Variants in RALGAPA2 observed in about 807,000 individuals in gnomAD.
The protein encoded by RALGAPA2 is Ral GTPase activating protein catalytic subunit alpha 2, also known as ral GTPase-activating protein subunit alpha-2.
RALGAPA2 carries 139 observed loss-of-function variants against 230.4 expected under a neutral mutation model. The ratio of observed to expected loss-of-function variants is 0.60; its 90% CI spans 0.53 to 0.69. The LOEUF is 0.69. Among genes scored for constraint, RALGAPA2 ranks in the 30% least tolerant of loss-of-function variants. RALGAPA2 has a pLI of 0.00. For synonymous variants in RALGAPA2, 847 were observed against 837.8 expected, an observed-to-expected ratio of 1.01 and a Z score of -0.19; for missense variants, 2,163 against 2,276.0, an observed-to-expected ratio of 0.95 and a Z score of 1.01.
intron 33 of RALGAPA2, among the ~76,000 whole-genome samples, chr20:20,510,174 C>T (rs1471384252): frequency 6.6e-6 from 1 of 152,102 alleles, no homozygotes; most frequent in Non-Finnish European, 1.5e-5. Context: ...TAAGTGCAAG[C>T]AGGAGAAGCT....
At chr20:20,625,790 T>C (rs547423822) in intron 10 of RALGAPA2, among the ~76,000 whole-genome samples, 1 of 152,254 alleles carries the variant, frequency 6.6e-6, no homozygotes, top group Non-Finnish European at 1.5e-5. Context: ...GAGTTTACAG[T>C]GAAGTGACCC....
At chr20:20,572,817 A>G (rs2064689115) in intron 21 of RALGAPA2, 58 bp downstream of exon 21, 2 of 1,334,488 alleles carry the variant, frequency 1.5e-6, no homozygotes, top group South Asian at 1.7e-5. Context: ...CAGTTTTTAC[A>G]TTAAATGATA....
At chr20:20,562,358 C>T (rs1159430848) in intron 23 of RALGAPA2, among the ~76,000 whole-genome samples, 1 of 152,148 alleles carries the variant, frequency 6.6e-6, no homozygotes, top group Admixed American at 6.5e-5. Context: ...AGCAAAAGAA[C>T]ATGTTCTCAA....
chr20:20,594,922 G>A lies in RALGAPA2; in HGVS notation c.2204-3608C>T, dbSNP rs527836285. Among the ~76,000 whole-genome samples, 16 of 151,890 alleles carry A rather than the reference G, an allele frequency of 1.1e-4. No homozygotes were observed. In the East Asian group the frequency reaches 1.9e-3, roughly 18 times the overall value. On this transcript the variant is annotated intron_variant, in intron 16 of 39. Coordinates refer to ENST00000202677, the MANE Select transcript of RALGAPA2 (RefSeq NM_020343.4). Reference sequence around the variant, plus strand: ...TTTTTAGTAAAGATGGGGTTTCACCGTGTTAGCCAGGGTGGTCTCGATCTC... The same window carrying A: ...TTTTTAGTAAAGATGGGGTTTCACCATGTTAGCCAGGGTGGTCTCGATCTC...
chr20:20,474,547 T>G (rs1484064944), intron 36 of RALGAPA2, among the ~76,000 whole-genome samples: 1 of 152,148 alleles, frequency 6.6e-6, no homozygotes, highest in Non-Finnish European at 1.5e-5. Context: ...GGTAATGGCT[T>G]GGATCAGAAT....
At chr20:20,650,655 T>A (rs1568704925) in intron 4 of RALGAPA2, among the ~76,000 whole-genome samples, 1 of 152,196 alleles carries the variant, frequency 6.6e-6, no homozygotes, top group Non-Finnish European at 1.5e-5. Context: ...AGAAGGCCCC[T>A]CCTTGCCCAA....
At chr20:20,570,530 T>G (rs1458555825) in intron 23 of RALGAPA2, among the ~76,000 whole-genome samples, 1 of 152,192 alleles carries the variant, frequency 6.6e-6, no homozygotes, top group Non-Finnish European at 1.5e-5. Flanking sequence ...TCCCTATACC[T>G]CTATATTGGT....
At chr20:20,710,994 G>GA (rs1455791145) in intron 1 of RALGAPA2, among the ~76,000 whole-genome samples, 2 of 152,170 alleles carry the variant, frequency 1.3e-5, no homozygotes, top group Non-Finnish European at 2.9e-5. Flanking sequence ...GTATCTACAG[G>GA]AAGTAGAAAA....
At chr20:20,512,474 T>A (rs1484481962) in intron 32 of RALGAPA2, 39 bp downstream of exon 32, 1 of 1,482,828 alleles carries the variant, frequency 6.7e-7, no homozygotes, top group East Asian at 2.3e-5. Flanking sequence ...TACATGAAAA[T>A]AATGATAAAA....
At chr20:20,542,863 G>A (rs1012620949) in intron 24 of RALGAPA2, among the ~76,000 whole-genome samples, 1 of 152,106 alleles carries the variant, frequency 6.6e-6, no homozygotes, top group African/African-American at 2.4e-5. Flanking sequence ...AAAACTTCAT[G>A]ACCTAAACAC....
Position 20,657,173 on chromosome 20 carries a change from G to A in RALGAPA2, c.271-3586C>T, listed in dbSNP as rs572230411. On this transcript the variant is annotated intron_variant, in intron 3 of 39. Transcript: ENST00000202677. The stretch of plus-strand genomic sequence containing the variant: ...CTAACACCTGTGAAAGGGAAAAGAC[G>A]GCAGCAAGATTAGACAGGGGAGCCT... Among the ~76,000 whole-genome samples the A allele has an allele frequency of 7.2e-4, 110 of 152,328 alleles. 2 individuals carry two copies. The South Asian group carries it at 0.021, about 28-fold the overall frequency.
chr20:20,608,733 T>C (rs1235379307), intron 14 of RALGAPA2, among the ~76,000 whole-genome samples: 1 of 152,182 alleles, frequency 6.6e-6, no homozygotes, highest in Admixed American at 6.5e-5. Context: ...ACCCTTAGTA[T>C]TCTTGCCTCT....
At chr20:20,708,963 T>C (rs975369688) in intron 1 of RALGAPA2, among the ~76,000 whole-genome samples, 3 of 150,876 alleles carry the variant, frequency 2.0e-5, no homozygotes, top group Non-Finnish European at 4.4e-5. Context: ...GGGAGGATCG[T>C]TTGAGTCTGT....
At chr20:20,445,231 G>A (rs2060834115) in intron 37 of RALGAPA2, among the ~76,000 whole-genome samples, 1 of 152,186 alleles carries the variant, frequency 6.6e-6, no homozygotes, top group Non-Finnish European at 1.5e-5. Flanking sequence ...TAGATAAGGG[G>A]AAGCTACTGT....
At chr20:20,521,155 A>G (rs2063028231) in intron 30 of RALGAPA2, 55 bp from the exon 31 acceptor site, 1 of 1,457,430 alleles carries the variant, frequency 6.9e-7, no homozygotes, top group South Asian at 1.4e-5. Flanking sequence ...GTGTCCCCTG[A>G]CAATCTGTCA....
Position 20,573,103 on chromosome 20 carries a change from C to G in RALGAPA2, c.2708-35G>C, listed in dbSNP as rs746658558. On this transcript the variant is annotated intron_variant, in intron 20 of 39. Coordinates refer to ENST00000202677, the MANE Select transcript of RALGAPA2 (RefSeq NM_020343.4). ...AAAACATGTCTGTTAACCCTGTAAACAATCTTGATTTCATCATACCTTTTT... is the reference window on the plus strand; with the variant it reads ...AAAACATGTCTGTTAACCCTGTAAAGAATCTTGATTTCATCATACCTTTTT... The G allele has an allele frequency of 2.0e-6, 3 of 1,510,518 alleles. No homozygotes were observed. In the South Asian group the frequency reaches 3.9e-5, roughly 19 times the overall value. 93.6% of individuals were successfully genotyped at this position (1,510,518 alleles called of 1,614,324 possible). A position where few individuals can be genotyped will look rare whatever the true frequency, so the allele number is the denominator to read the frequency against.
At chr20:20,401,134 A>G (rs2059825837) in intron 38 of RALGAPA2, among the ~76,000 whole-genome samples, 2 of 152,210 alleles carry the variant, frequency 1.3e-5, no homozygotes, top group African/African-American at 4.8e-5. Context: ...AATAGACCAA[A>G]AACATCGACT....
intron 20 of RALGAPA2, 52 bp from the exon 21 acceptor site, chr20:20,573,120 T>C (rs370072900): frequency 7.2e-6 from 10 of 1,385,346 alleles, no homozygotes; most frequent in Admixed American, 2.7e-5. Flanking sequence ...GATTTCATCA[T>C]ACCTTTTTTC....
chr20:20,489,368 T>A (rs563581630), intron 36 of RALGAPA2, among the ~76,000 whole-genome samples: 1 of 152,298 alleles, frequency 6.6e-6, no homozygotes, highest in East Asian at 1.9e-4. Flanking sequence ...TCTAAGATCA[T>A]TCGTGTTGCC....
Sources: gnomAD v4.1 joint callset for allele counts (sites outside exome capture counted in the v4.1 genomes callset) on GRCh38, gnomAD v4.1.1 for gene constraint, MANE v1.5 for transcripts, NCBI Gene and HGNC (gene_info 2026-07-23, HGNC 2026-07-21) for gene names.